BAZ2B: variants seen among roughly 807,000 people sequenced by gnomAD.
BAZ2B encodes bromodomain adjacent to zinc finger domain protein 2B.
A neutral mutation model predicts 246.0 loss-of-function variants in BAZ2B; 91 were observed. The ratio of observed to expected loss-of-function variants is 0.37; its 90% CI spans 0.31 to 0.44. BAZ2B has a LOEUF of 0.44. Ranked by LOEUF, BAZ2B falls within the 20% of genes least tolerant of loss-of-function variation. BAZ2B has a pLI of 1.00. For synonymous variants in BAZ2B, 855 were observed against 860.0 expected, an observed-to-expected ratio of 0.99 and a Z score of 0.10; for missense variants, 2,332 against 2,533.7, an observed-to-expected ratio of 0.92 and a Z score of 1.71.
At chr2:159,495,399 G>A (rs1212122305) in intron 2 of BAZ2B, among the ~76,000 whole-genome samples, 4 of 142,188 alleles carry the variant, frequency 2.8e-5, no homozygotes, top group African/African-American at 1.1e-4. Flanking sequence ...GCAGGAGAAT[G>A]GCGTGAACCC....
intron 27 of BAZ2B, among the ~76,000 whole-genome samples, chr2:159,352,570 C>T (rs1329572996): frequency 6.6e-6 from 1 of 151,730 alleles, no homozygotes; most frequent in Non-Finnish European, 1.5e-5. Context: ...ACTGCAACCT[C>T]GACCTACCAA....
intron 27 of BAZ2B, among the ~76,000 whole-genome samples, chr2:159,359,917 A>T (rs936940506): frequency 3.3e-5 from 5 of 152,210 alleles, no homozygotes; most frequent in Non-Finnish European, 5.9e-5. Flanking sequence ...CCTTCATGCT[A>T]AAAACTCCCA....
At chr2:159,379,062 A>G (rs2061705336) in intron 25 of BAZ2B, among the ~76,000 whole-genome samples, 1 of 152,200 alleles carries the variant, frequency 6.6e-6, no homozygotes, top group South Asian at 2.1e-4. Context: ...TTGCAATGTT[A>G]TTCACAATGG....
Position 159,448,252 on chromosome 2 carries a change from A to T in BAZ2B, c.492T>A (p.Gly164=). 1 of 1,610,226 alleles carries T rather than the reference A, an allele frequency of 6.2e-7. No homozygotes were observed. ...TGTAAATGTGGATACCTTTTTCGGG[A>T]CCATTTCGATTACTTTTTCCCGAAG... is the stretch of plus-strand genomic sequence containing the variant. ...SRTSGKSNRN[G]PEKGVNGSIN... The change falls in exon 5 of 37, where the codon GGT becomes GGA. Residue 164 remains glycine (G), a synonymous_variant. Coordinates refer to ENST00000392783, the MANE Select transcript of BAZ2B (RefSeq NM_013450.4).
At chr2:159,599,393 C>T (rs912676783) in intron 1 of BAZ2B, among the ~76,000 whole-genome samples, 5 of 151,642 alleles carry the variant, frequency 3.3e-5, no homozygotes, top group Admixed American at 1.3e-4. Flanking sequence ...CTGAGGCAGG[C>T]GGATTACCTG....
the BAZ2B span, among the ~76,000 whole-genome samples, chr2:159,691,886 C>A: frequency 1.3e-5 from 2 of 152,190 alleles, no homozygotes; most frequent in Non-Finnish European, 2.9e-5. Flanking sequence ...GAGCTCACCA[C>A]AATAGCAATA....
chr2:159,321,973 T>C (rs2062769148), intron 36 of BAZ2B: 1 of 152,220 alleles, frequency 6.6e-6, no homozygotes, highest in South Asian at 2.1e-4. Context: ...GTGATTATTA[T>C]GCATTGCATG....
At chr2:159,456,860 C>T (rs2075834698) in intron 3 of BAZ2B, among the ~76,000 whole-genome samples, 1 of 152,086 alleles carries the variant, frequency 6.6e-6, no homozygotes, top group Admixed American at 6.6e-5. Flanking sequence ...TAAAAAAATA[C>T]CCACGTGAAA....
Position 159,382,623 on chromosome 2 carries a change from T to C in BAZ2B, c.3941A>G (p.Asp1314Gly). ...TTCTTTATCTTCTTCATCCTCATCA[T>C]CTTCATCCCCTTGGTCATCACTGTC... ...DDDSDDQGDE[D>G]DEDEEDKEDK... The change falls in exon 25 of 37, where the codon GAT becomes GGT. Residue 1314 changes from aspartate (D) to glycine (G), a missense_variant. By Grantham distance (94) the Asp-to-Gly change is moderately conservative (BLOSUM62 -1). Transcript: ENST00000392783. 6 of 1,570,048 alleles carry C rather than the reference T, an allele frequency of 3.8e-6. No individual in the cohort carries two copies. The highest frequency in any genetic ancestry group is 5.2e-6 in the Non-Finnish European group (6 of 1,154,840).
chr2:159,408,734 C>G (rs1203633399), intron 14 of BAZ2B, among the ~76,000 whole-genome samples: 1 of 152,140 alleles, frequency 6.6e-6, no homozygotes, highest in Non-Finnish European at 1.5e-5. Flanking sequence ...CCCTGGCCAA[C>G]ATGGTGAAAA....
At chr2:159,617,923 G>C (rs1349534042), upstream of BAZ2B, among the ~76,000 whole-genome samples, 1 of 152,120 alleles carries the variant, frequency 6.6e-6, no homozygotes, top group Non-Finnish European at 1.5e-5. Flanking sequence ...TGTCTAATAG[G>C]GATATCTGAA....
At chr2:159,346,273 C>T (rs2067772388) in intron 31 of BAZ2B, among the ~76,000 whole-genome samples, 1 of 152,124 alleles carries the variant, frequency 6.6e-6, no homozygotes, top group South Asian at 2.1e-4. Context: ...TGTCCAAATG[C>T]CTATGTTAAA....
rs559124420 is a variant in BAZ2B at position 159,347,564 on chromosome 2, T to C, written c.5376A>G (p.Ala1792=). 10 of 1,613,726 alleles carry C rather than the reference T, an allele frequency of 6.2e-6. No individual in the cohort carries two copies. The African/African-American group carries it at 6.7e-5, about 11-fold the overall frequency. Reference sequence around the variant, plus strand: ...GAAGGACACTCAAATCCATTTCCATTGCTTGTTCTTCTACTGACCAGTTCT... The same window carrying C: ...GAAGGACACTCAAATCCATTTCCATCGCTTGTTCTTCTACTGACCAGTTCT... ...IVENWSVEEQ[A]MEMDLSVLQQ... The change falls in exon 31 of 37, where the codon GCA becomes GCG. Residue 1792 remains alanine, a synonymous_variant. Coordinates refer to ENST00000392783, the MANE Select transcript of BAZ2B (RefSeq NM_013450.4).
rs550667359 is a variant in BAZ2B at position 159,503,740 on chromosome 2, C to T, written c.-2-25019G>A. Among the ~76,000 whole-genome samples the T allele has an allele frequency of 5.3e-4, 80 of 152,100 alleles. 2 individuals are homozygous for T. The highest frequency in any genetic ancestry group is 5.0e-3 in the South Asian group (24 of 4,816). ...AATTACAGGTGCCTCCCACCACGCC[C>T]GGCTAATTTTTTGTATTTTTAGTAG... On this transcript the variant is annotated intron_variant, in intron 2 of 36. Transcript: ENST00000392783.
At chr2:159,462,957 TG>T (rs2150634005) in intron 3 of BAZ2B, 4 of 1,064,874 alleles carry the variant, frequency 3.8e-6, no homozygotes, top group Non-Finnish European at 5.8e-6. Flanking sequence ...TTTCTATAAG[TG>T]ATCAAATGTA....
intron 7 of BAZ2B, 39 bp downstream of exon 7, chr2:159,438,970 T>G (rs760393086): frequency 6.3e-7 from 1 of 1,579,680 alleles, no homozygotes; most frequent in Non-Finnish European, 8.7e-7. Context: ...TTCCTAAATA[T>G]GAATAATGTT....
Position 159,337,789 on chromosome 2 carries a change from T to C in BAZ2B, c.5455-17A>G. 2 of 1,603,274 alleles carry C rather than the reference T, an allele frequency of 1.2e-6. No homozygotes were observed. The highest frequency in any genetic ancestry group is 1.1e-5 in the South Asian group (1 of 90,274). On this transcript the variant is annotated splice_polypyrimidine_tract_variant and intron_variant, in intron 31 of 36. Transcript: ENST00000392783. The stretch of plus-strand genomic sequence containing the variant: ...CATCCAACCCTATATATCAAGAGAA[T>C]AGTGTTATTATGGTTTCCTCTTAAA...
chr2:159,449,999 C>T (rs956154813), intron 4 of BAZ2B, among the ~76,000 whole-genome samples: 1 of 152,038 alleles, frequency 6.6e-6, no homozygotes, highest in Non-Finnish European at 1.5e-5. Flanking sequence ...GAGAGAGACC[C>T]TGTTGCTATA....
intron 36 of BAZ2B, among the ~76,000 whole-genome samples, chr2:159,324,001 T>C (rs1234628340): frequency 3.3e-5 from 5 of 152,106 alleles, no homozygotes; most frequent in Non-Finnish European, 7.3e-5. Context: ...AGAAATAAAT[T>C]TGTCATTTGG....
Sources: gnomAD v4.1 joint callset for allele counts (sites outside exome capture counted in the v4.1 genomes callset) on GRCh38, gnomAD v4.1.1 for gene constraint, MANE v1.5 for transcripts, NCBI Gene and HGNC (gene_info 2026-07-23, HGNC 2026-07-21) for gene names.